The following CSF2RA variants were observed in gnomAD, a reference collection of about 807,000 sequenced individuals.
CSF2RA encodes colony stimulating factor 2 receptor subunit alpha.
In CSF2RA, 42 loss-of-function variants were observed where a neutral mutation model predicts 51.6. The ratio of observed to expected loss-of-function variants is 0.81; its 90% confidence interval spans 0.64 to 1.05. The LOEUF (loss-of-function observed/expected upper bound fraction) is 1.05. Among genes scored for constraint, CSF2RA ranks in the 50% least tolerant of loss-of-function variants. The pLI is 0.00. For synonymous variants in CSF2RA, 222 were observed against 193.0 expected, an observed-to-expected ratio of 1.15 and a Z score of -1.24; for missense variants, 530 against 501.1, an observed-to-expected ratio of 1.06 and a Z score of -0.55.
At chrX:1,299,276 G>A (rs1478184429) in intron 9 of CSF2RA, among the ~76,000 whole-genome samples, 20 of 152,088 alleles carry the variant, frequency 1.3e-4, no homozygotes, top group African/African-American at 4.6e-4. Context: ...TACTGTTGCC[G>A]GGTATTTACC....
chrX:1,282,478 TGTCCAC>T (rs1328552758), intron 2 of CSF2RA, 194 bp from the exon 3 acceptor site: 2 of 623,342 alleles, frequency 3.2e-6, no homozygotes, highest in Non-Finnish European at 5.8e-6. Context: ...ATGCCAAAGA[TGTCCAC>T]GTCCTAATCC....
At chrX:1,320,322 C>T in the CSF2RA span, among the ~76,000 whole-genome samples, 3 of 151,992 alleles carry the variant, frequency 2.0e-5, no homozygotes, top group African/African-American at 7.2e-5. Context: ...GCCATTGCAC[C>T]CGGCTAATGC....
chrX:1,308,741 G>A (rs1417023242), intron 12 of CSF2RA, among the ~76,000 whole-genome samples: 1 of 152,052 alleles, frequency 6.6e-6, no homozygotes, highest in Admixed American at 6.6e-5. Context: ...ACCCCCAGGG[G>A]TCCCCCACAT....
At chrX:1,302,520 T>C (rs1178435599) in intron 10 of CSF2RA, among the ~76,000 whole-genome samples, 3 of 152,106 alleles carry the variant, frequency 2.0e-5, no homozygotes, top group East Asian at 1.9e-4. Flanking sequence ...TTTTTTGTTA[T>C]TTGAGACGGA....
At chrX:1,286,862 G>T (rs1414836252) in intron 4 of CSF2RA, among the ~76,000 whole-genome samples, 1 of 152,122 alleles carries the variant, frequency 6.6e-6, no homozygotes, top group Non-Finnish European at 1.5e-5. Context: ...CACGTTGTCA[G>T]TGTGTCACCG....
chrX:1,286,818 G>T (rs189772956), intron 4 of CSF2RA, among the ~76,000 whole-genome samples: 1 of 152,136 alleles, frequency 6.6e-6, no homozygotes, highest in African/African-American at 2.4e-5. Flanking sequence ...TGGGTCTGTG[G>T]TGGAAGCAGG....
chrX:1,300,672 A>T, intron 10 of CSF2RA, 46 bp downstream of exon 10: 1 of 1,613,618 alleles, frequency 6.2e-7, no homozygotes, highest in Non-Finnish European at 8.5e-7. Flanking sequence ...GTCTGCGGCC[A>T]CCCTGCAGCA....
chrX:1,323,927 T>C, the CSF2RA span, among the ~76,000 whole-genome samples: 2 of 151,512 alleles, frequency 1.3e-5, no homozygotes, highest in South Asian at 4.2e-4. Context: ...GGCAGGAGAA[T>C]GGCGTGAACC....
At chrX:1,276,929 T>A (rs2089259280) in intron 2 of CSF2RA, among the ~76,000 whole-genome samples, 1 of 151,318 alleles carries the variant, frequency 6.6e-6, no homozygotes, top group African/African-American at 2.4e-5. Context: ...TGAAATGCTA[T>A]CTCTACTAAA....
Position 1,309,575 on chromosome X carries a change from T to C in CSF2RA, c.*96T>C. The C allele has an allele frequency of 6.2e-7, 1 of 1,613,936 alleles. No individual in the cohort carries two copies. Among genetic ancestry groups the C allele is most frequent in the Non-Finnish European group, 8.5e-7 (1 of 1,179,848 alleles). On this transcript the variant is annotated 3_prime_UTR_variant, in exon 13 of 13. Coordinates refer to ENST00000381529, the MANE Select transcript of CSF2RA (RefSeq NM_172245.4). ...TGCTGTGAACCTTTATATCATTTTC[T>C]ATGTTTTTATTTAAAAACATGACAT... is the stretch of plus-strand genomic sequence containing the variant.
intron 11 of CSF2RA, among the ~76,000 whole-genome samples, chrX:1,304,703 T>C (rs1408046805): frequency 6.6e-6 from 1 of 152,010 alleles, no homozygotes. Context: ...TTGCTCTTGT[T>C]GCCCAGGCTG....
intron 6 of CSF2RA, among the ~76,000 whole-genome samples, chrX:1,289,934 T>G (rs2091212830): frequency 6.6e-6 from 1 of 150,528 alleles, no homozygotes; most frequent in African/African-American, 2.4e-5. Flanking sequence ...TTTGTTTTGT[T>G]TTGTGTTTTT....
chrX:1,282,497 T>C, intron 2 of CSF2RA, 181 bp from the exon 3 acceptor site: 1 of 657,906 alleles, frequency 1.5e-6, no homozygotes, highest in South Asian at 1.7e-5. Flanking sequence ...CCTAATCCCA[T>C]GTGGGAGACA....
intron 4 of CSF2RA, among the ~76,000 whole-genome samples, chrX:1,286,510 G>A (rs548225658): frequency 8.0e-5 from 12 of 149,820 alleles, no homozygotes; most frequent in Admixed American, 2.7e-4. Context: ...CGGAGGTTGC[G>A]GTGAGCCGAG....
At chrX:1,321,411 G>T in the CSF2RA span, among the ~76,000 whole-genome samples, 1 of 151,980 alleles carries the variant, frequency 6.6e-6, no homozygotes, top group Non-Finnish European at 1.5e-5. Flanking sequence ...GGAGCTTGCA[G>T]TGAGCCGAGA....
At chrX:1,308,370 A>G (rs1349518924) in intron 12 of CSF2RA, among the ~76,000 whole-genome samples, 1 of 152,086 alleles carries the variant, frequency 6.6e-6, no homozygotes, top group Admixed American at 6.6e-5. Context: ...GAAGAAGGTG[A>G]GAGGGGGAGG....
intron 10 of CSF2RA, among the ~76,000 whole-genome samples, chrX:1,301,382 C>T (rs1220300491): frequency 6.9e-6 from 1 of 145,578 alleles, no homozygotes; most frequent in Non-Finnish European, 1.5e-5. Context: ...TGGTCTCATA[C>T]TCATACGGGG....
intron 10 of CSF2RA, 124 bp downstream of exon 10, chrX:1,300,750 C>A: frequency 1.6e-6 from 2 of 1,272,072 alleles, no homozygotes; most frequent in South Asian, 2.4e-5. Context: ...GGAGTAGTGT[C>A]AGGCTCTGAG....
Position 1,280,429 on chromosome X carries a change from C to T in CSF2RA, c.-26-2249C>T, listed in dbSNP as rs1341554902. Among the ~76,000 whole-genome samples, 4 of 149,568 alleles carry T rather than the reference C, an allele frequency of 2.7e-5. No homozygotes were observed. The East Asian group carries it at 5.9e-4, about 22-fold the overall frequency. On this transcript the variant is annotated intron_variant, in intron 2 of 12. Transcript: ENST00000381529. ...GAGGTTGCAGTGAGCCAAGATTGCA[C>T]CACTGCACTCCAGCCTGGGTGACAA...
Sources: gnomAD v4.1 joint callset for allele counts (sites outside exome capture counted in the v4.1 genomes callset) on GRCh38, gnomAD v4.1.1 for gene constraint, MANE v1.5 for transcripts, NCBI Gene and HGNC (gene_info 2026-07-23, HGNC 2026-07-21) for gene names.